KLHDC1: variants seen among roughly 807,000 people sequenced by gnomAD.
KLHDC1 encodes the protein kelch domain containing 1.
In KLHDC1, 53 loss-of-function variants were observed where a neutral mutation model predicts 68.3. The observed-to-expected ratio is 0.78, with a 90% CI of 0.62 to 0.98. The LOEUF is 0.98. KLHDC1 is among the 50% of genes least tolerant of loss of function. KLHDC1 has a pLI of 0.00. For synonymous variants in KLHDC1, 148 were observed against 159.0 expected (o/e 0.93, Z 0.52); for missense variants, 470 against 492.3 (o/e 0.95, Z 0.43).
chr14:49,729,762 A>C (rs1347160692), intron 8 of KLHDC1, among the ~76,000 whole-genome samples: 1 of 152,220 alleles, frequency 6.6e-6, no homozygotes, highest in East Asian at 1.9e-4. Flanking sequence ...AGATTATATA[A>C]AAGTACTGGT....
intron 6 of KLHDC1, among the ~76,000 whole-genome samples, chr14:49,728,720 G>T (rs566232215): frequency 6.6e-6 from 1 of 152,300 alleles, no homozygotes; most frequent in East Asian, 1.9e-4. Context: ...CAAAAGTAAA[G>T]ATCAGGGAGA....
intron 4 of KLHDC1, among the ~76,000 whole-genome samples, chr14:49,712,400 T>C (rs1196796882): frequency 6.6e-6 from 1 of 152,244 alleles, no homozygotes; most frequent in Non-Finnish European, 1.5e-5. Flanking sequence ...CTACACCTTC[T>C]ATTTTCTGTA....
chr14:49,741,107 T>C (rs1889054187), intron 11 of KLHDC1, among the ~76,000 whole-genome samples: 1 of 151,892 alleles, frequency 6.6e-6, no homozygotes, highest in Non-Finnish European at 1.5e-5. Context: ...GAAATATATA[T>C]TTTTATCTAA....
In KLHDC1 at chr14:49,745,228, G is replaced by C. The variant is rs1423252820; in HGVS notation, c.1034+1423G>C. Among the ~76,000 whole-genome samples, 5 of 152,152 alleles carry C rather than the reference G, an allele frequency of 3.3e-5. No homozygotes were observed. The East Asian group carries it at 9.6e-4, about 29-fold the overall frequency. On this transcript the variant is annotated intron_variant, in intron 12 of 12. Transcript: ENST00000359332. ...AAAACCATTAGACTAGCTCAAACTG[G>C]ACCTTTCTGACGTCTTTCTTAACTA... is the stretch of plus-strand genomic sequence containing the variant.
At chr14:49,693,361 C>A in intron 1 of KLHDC1, 71 bp downstream of exon 1, 1 of 1,120,066 alleles carries the variant, frequency 8.9e-7, no homozygotes, top group Non-Finnish European at 1.2e-6. Context: ...GCAGCGCCCG[C>A]CACACCCGCT....
At chr14:49,707,230 A>T (rs943230007) in intron 1 of KLHDC1, among the ~76,000 whole-genome samples, 6 of 149,052 alleles carry the variant, frequency 4.0e-5, no homozygotes, top group Middle Eastern at 3.5e-3. Context: ...CATGAGTGTA[A>T]GTTTAATTTC....
At chr14:49,693,419 C>T (rs375771096) in intron 1 of KLHDC1, 129 bp downstream of exon 1, 3 of 507,178 alleles carry the variant, frequency 5.9e-6, no homozygotes, top group South Asian at 2.0e-4. Context: ...TGCAGCCCCC[C>T]AGCCCCTCCG....
At chr14:49,704,165 T>G (rs1368042631) in intron 1 of KLHDC1, among the ~76,000 whole-genome samples, 1 of 152,188 alleles carries the variant, frequency 6.6e-6, no homozygotes, top group African/African-American at 2.4e-5. Flanking sequence ...TAGTTCATTG[T>G]GGTTTTTGTT....
intron 4 of KLHDC1, among the ~76,000 whole-genome samples, chr14:49,714,706 A>G (rs986867984): frequency 1.4e-4 from 21 of 151,806 alleles, no homozygotes; most frequent in Middle Eastern, 3.2e-3. Context: ...TATGTATAGT[A>G]TAGTATTTGA....
chr14:49,717,771 G>T (rs979460349), intron 4 of KLHDC1, among the ~76,000 whole-genome samples: 1 of 151,908 alleles, frequency 6.6e-6, no homozygotes, highest in Non-Finnish European at 1.5e-5. Context: ...GGTAGAATTC[G>T]CCAGTGAAGC....
At chr14:49,726,860 A>G (rs892887734) in intron 6 of KLHDC1, among the ~76,000 whole-genome samples, 4 of 152,172 alleles carry the variant, frequency 2.6e-5, no homozygotes, top group Non-Finnish European at 2.9e-5. Context: ...CATTCCGTCT[A>G]TGGCAGACAC....
chr14:49,705,720 C>T (rs1888033961), intron 1 of KLHDC1, among the ~76,000 whole-genome samples: 1 of 152,032 alleles, frequency 6.6e-6, no homozygotes, highest in Non-Finnish European at 1.5e-5. Context: ...GAACCTAATG[C>T]CATTAAACCT....
chr14:49,735,424 T>A (rs1400567557), intron 10 of KLHDC1, among the ~76,000 whole-genome samples: 3 of 152,100 alleles, frequency 2.0e-5, no homozygotes, highest in Non-Finnish European at 2.9e-5. Flanking sequence ...ATATATTTTG[T>A]TATTTAATAA....
chr14:49,693,748 C>CTTTTTTTTTCTTTTTTTTTTTTTTTTTTT (rs1887646287), intron 1 of KLHDC1, among the ~76,000 whole-genome samples: 2 of 61,540 alleles, frequency 3.2e-5, no homozygotes, highest in Non-Finnish European at 6.8e-5. Context: ...TTTTCTTTTT[C>CTTTTTTTTTCTTTTTTTTTTTTTTTTTTT]TTTTTTTTTT....
At position 49,721,508 on chromosome 14, in the gene KLHDC1, A is replaced by G. The variant is rs893316471; in HGVS notation, c.405-2366A>G. ...AACAGTAAAGATTGGAATAAATTAT[A>G]TTTATCTTCAGAAAGTGACATGCCC... On this transcript the variant is annotated intron_variant, in intron 4 of 12. Transcript: ENST00000359332. 2.0e-5 allele frequency among the ~76,000 whole-genome samples: 3 copies of G among 152,128 alleles called. No individual in the cohort carries two copies. The East Asian group carries it at 5.8e-4, about 29-fold the overall frequency.
At chr14:49,725,288 C>T (rs2139753559) in intron 5 of KLHDC1, among the ~76,000 whole-genome samples, 1 of 7,724 alleles carries the variant, frequency 1.3e-4, no homozygotes. Flanking sequence ...TTTTTGGGAA[C>T]AGGAACCATG....
chr14:49,731,844 A>G (rs1232874082), intron 8 of KLHDC1, among the ~76,000 whole-genome samples: 1 of 151,974 alleles, frequency 6.6e-6, no homozygotes, highest in South Asian at 2.1e-4. Context: ...TGTGCCTGGC[A>G]TTGTTTTTAT....
At chr14:49,714,442 G>T (rs1420799136) in intron 4 of KLHDC1, among the ~76,000 whole-genome samples, 1 of 151,304 alleles carries the variant, frequency 6.6e-6, no homozygotes, top group African/African-American at 2.4e-5. Context: ...CATTGCACTC[G>T]AGCCTGGGTA....
intron 8 of KLHDC1, among the ~76,000 whole-genome samples, chr14:49,730,507 A>C (rs1367150202): frequency 6.6e-6 from 1 of 152,018 alleles, no homozygotes; most frequent in Non-Finnish European, 1.5e-5. Flanking sequence ...GGCATGAGCC[A>C]CCGTGCCCAG....
Sources: gnomAD v4.1 joint callset for allele counts (sites outside exome capture counted in the v4.1 genomes callset) on GRCh38, gnomAD v4.1.1 for gene constraint, MANE v1.5 for transcripts, NCBI Gene and HGNC (gene_info 2026-07-23, HGNC 2026-07-21) for gene names.